Variants in COL15A1 observed in about 807,000 individuals in gnomAD.
COL15A1 encodes collagen type XV alpha 1 chain.
In COL15A1, 111 loss-of-function variants were observed where a neutral mutation model predicts 165.9. That is an observed-to-expected ratio of 0.67 (90% confidence interval 0.57 to 0.78). The LOEUF (loss-of-function observed/expected upper bound fraction) is 0.78, where lower values mean the gene tolerates loss of function less well. COL15A1 is among the 30% of genes least tolerant of loss of function. COL15A1 has a pLI of 0.00. For synonymous variants in COL15A1, 659 were observed against 674.8 expected (o/e 0.98, Z 0.36); for missense variants, 1,745 against 1,789.7 (o/e 0.98, Z 0.45).
At chr9:98,951,760 G>T (rs1371235967) in intron 2 of COL15A1, among the ~76,000 whole-genome samples, 1 of 152,108 alleles carries the variant, frequency 6.6e-6, no homozygotes, top group Non-Finnish European at 1.5e-5. Flanking sequence ...GTTTTGCTGT[G>T]TTGCCCAGGC....
At chr9:99,055,674 A>G (rs563593427) in intron 34 of COL15A1, among the ~76,000 whole-genome samples, 126 of 152,368 alleles carry the variant, frequency 8.3e-4, no homozygotes, top group African/African-American at 2.9e-3. Flanking sequence ...TGGTGAATGC[A>G]TCAGATAACA....
At chr9:99,029,784 G>A (rs755397673) in intron 16 of COL15A1, among the ~76,000 whole-genome samples, 10 of 152,104 alleles carry the variant, frequency 6.6e-5, no homozygotes, top group Non-Finnish European at 1.3e-4. Context: ...AATTAGCTGG[G>A]CATGGTGGTG....
intron 9 of COL15A1, among the ~76,000 whole-genome samples, chr9:99,013,165 G>A (rs1363344130): frequency 6.6e-6 from 1 of 152,014 alleles, no homozygotes; most frequent in African/African-American, 2.4e-5. Flanking sequence ...TGTAGTTCTA[G>A]CACCTCCAAG....
intron 2 of COL15A1, among the ~76,000 whole-genome samples, chr9:98,962,538 A>G (rs946278023): frequency 6.6e-6 from 1 of 152,238 alleles, no homozygotes; most frequent in Non-Finnish European, 1.5e-5. Context: ...ACACACACAC[A>G]TGTTTGGAGT....
At chr9:99,068,762 G>A (rs1403434384) in intron 41 of COL15A1, 92 bp downstream of exon 41, 14 of 767,916 alleles carry the variant, frequency 1.8e-5, no homozygotes, top group Non-Finnish European at 2.9e-5. Context: ...TGCTTCTCTA[G>A]GATATTGCCA....
intron 2 of COL15A1, among the ~76,000 whole-genome samples, chr9:98,982,649 CTTTTTTT>C (rs895866749): frequency 1.4e-5 from 2 of 144,898 alleles, no homozygotes; most frequent in Non-Finnish European, 3.1e-5. Context: ...TGCCTTTTTT[CTTTTTTT>C]TTTTAGACAG....
intron 2 of COL15A1, among the ~76,000 whole-genome samples, chr9:98,953,423 C>T (rs1286967153): frequency 6.6e-6 from 1 of 152,118 alleles, no homozygotes; most frequent in Non-Finnish European, 1.5e-5. Context: ...TATAACCAAA[C>T]TCAACCCAAC....
chr9:98,987,255 C>A (rs775172668), intron 3 of COL15A1, 39 bp from the exon 4 acceptor site: 1 of 1,585,088 alleles, frequency 6.3e-7, no homozygotes, highest in Non-Finnish European at 8.6e-7. Context: ...ATGCTGTGTA[C>A]GTGCAAACCG....
intron 16 of COL15A1, among the ~76,000 whole-genome samples, chr9:99,027,955 G>C (rs1839154817): frequency 6.6e-6 from 1 of 152,164 alleles, no homozygotes; most frequent in South Asian, 2.1e-4. Flanking sequence ...ACAGCTTCAG[G>C]GCTGTAGTAG....
intron 4 of COL15A1, 46 bp from the exon 5 acceptor site, chr9:98,989,132 C>G (rs371955536): frequency 7.3e-5 from 108 of 1,486,922 alleles, no homozygotes; most frequent in Non-Finnish European, 9.9e-5. Context: ...CTCTTATGGG[C>G]CCTGCCCGCT....
intron 21 of COL15A1, among the ~76,000 whole-genome samples, chr9:99,037,719 G>C (rs181617956): frequency 1.3e-5 from 2 of 152,194 alleles, no homozygotes; most frequent in Admixed American, 6.5e-5. Flanking sequence ...AGACTGTTTG[G>C]GTTATGAGGA....
chr9:98,979,960 C>A (rs1657817965), intron 2 of COL15A1, among the ~76,000 whole-genome samples: 1 of 151,938 alleles, frequency 6.6e-6, no homozygotes, highest in Non-Finnish European at 1.5e-5. Flanking sequence ...AGCTCGAGAC[C>A]AACGTAGGCA....
intron 2 of COL15A1, among the ~76,000 whole-genome samples, chr9:98,971,318 T>A (rs1433995539): frequency 6.6e-6 from 1 of 152,068 alleles, no homozygotes; most frequent in African/African-American, 2.4e-5. Flanking sequence ...TTTCCATGTG[T>A]TTTCCTCCCA....
At position 98,985,601 on chromosome 9, in the gene COL15A1, T is replaced by G; in HGVS notation, c.137T>G (p.Leu46Arg). 3.7e-6 allele frequency: 6 copies of G among 1,614,176 alleles called. No individual in the cohort carries two copies. Among genetic ancestry groups the G allele is most frequent in the Non-Finnish European group, 5.1e-6 (6 of 1,179,984 alleles). Residue 46 changes from leucine to arginine, a missense_variant, in exon 3 of 42, where the codon CTC becomes CGC. Transcript: ENST00000375001. ...ASQGHLDLTQ[L>R]IGVPLPSSVS... The stretch of plus-strand genomic sequence containing the variant: ...CAGGGTCACCTGGACCTCACGCAGC[T>G]CATCGGTGTCCCGCTGCCCTCGTCC...
At chr9:99,059,675 G>A (rs2117952265) in intron 35 of COL15A1, among the ~76,000 whole-genome samples, 1 of 152,304 alleles carries the variant, frequency 6.6e-6, no homozygotes, top group Non-Finnish European at 1.5e-5. Context: ...CTTCATCCAG[G>A]GTAACAATCA....
intron 39 of COL15A1, among the ~76,000 whole-genome samples, chr9:99,066,599 G>GGTTTTTTTTTTTTTTTTTTTTTTTT (rs1554692264): frequency 1.4e-5 from 1 of 71,082 alleles, no homozygotes; most frequent in East Asian, 3.6e-4. Flanking sequence ...ATTTTGTTCT[G>GGTTTTTTTTTTTTTTTTTTTTTTTT]TTTTTTTTTT....
intron 2 of COL15A1, among the ~76,000 whole-genome samples, chr9:98,982,185 C>T (rs1588500830): frequency 6.6e-6 from 1 of 152,198 alleles, no homozygotes; most frequent in South Asian, 2.1e-4. Context: ...GTGGCATGAT[C>T]GTATTTCATT....
intron 9 of COL15A1, 116 bp downstream of exon 9, chr9:99,005,166 T>C: frequency 1.8e-6 from 2 of 1,081,722 alleles, no homozygotes; most frequent in South Asian, 3.3e-5. Flanking sequence ...CGGGGATCTC[T>C]GACCAAATAC....
At chr9:98,957,893 T>A (rs1464940639) in intron 2 of COL15A1, among the ~76,000 whole-genome samples, 1 of 152,220 alleles carries the variant, frequency 6.6e-6, no homozygotes, top group Non-Finnish European at 1.5e-5. Context: ...GGGGTTTCAC[T>A]GTGTTGCCCA....
Sources: gnomAD v4.1 joint callset for allele counts (sites outside exome capture counted in the v4.1 genomes callset) on GRCh38, gnomAD v4.1.1 for gene constraint, MANE v1.5 for transcripts, NCBI Gene and HGNC (gene_info 2026-07-23, HGNC 2026-07-21) for gene names.